WASHC4: variants seen among roughly 807,000 people sequenced by gnomAD.
WASHC4 encodes the protein WASH complex subunit 7.
Under a neutral mutation model 166.6 loss-of-function variants are expected in WASHC4, and 86 were observed. That is an observed-to-expected ratio of 0.52 (90% CI 0.43 to 0.62). The LOEUF is 0.62. WASHC4 is among the 20% of genes least tolerant of loss of function. WASHC4 has a pLI of 0.00. For missense variants in WASHC4, 1,262 were observed against 1,382.4 expected (o/e 0.91, Z 1.38); for synonymous variants, 446 against 451.6 (o/e 0.99, Z 0.16).
chr12:105,136,063 A>AT (rs1211852214), intron 14 of WASHC4, among the ~76,000 whole-genome samples: 1 of 152,158 alleles, frequency 6.6e-6, no homozygotes, highest in Non-Finnish European at 1.5e-5. Context: ...AACCCAGGTT[A>AT]TATCAATCTA....
intron 15 of WASHC4, 59 bp downstream of exon 15, chr12:105,138,070 T>G (rs1882468937): frequency 1.3e-6 from 2 of 1,547,962 alleles, no homozygotes; most frequent in Non-Finnish European, 1.8e-6. Flanking sequence ...AGGCTTAAAT[T>G]AGGATAATCT....
chr12:105,138,319 T>C (rs1441381572), intron 15 of WASHC4, among the ~76,000 whole-genome samples: 6 of 151,034 alleles, frequency 4.0e-5, no homozygotes, highest in Admixed American at 4.0e-4. Flanking sequence ...ATATTATCAG[T>C]AAAGCTTTAC....
chr12:105,132,207 C>T (rs773344153), intron 13 of WASHC4, among the ~76,000 whole-genome samples: 1 of 152,194 alleles, frequency 6.6e-6, no homozygotes, highest in African/African-American at 2.4e-5. Context: ...CTCGCTCTGT[C>T]GCCCAGGCTG....
chr12:105,116,628 AATGGGTT>A (rs1299241047), intron 6 of WASHC4, among the ~76,000 whole-genome samples: 1 of 152,208 alleles, frequency 6.6e-6, no homozygotes, highest in Non-Finnish European at 1.5e-5. Flanking sequence ...GCTACAAAAA[AATGGGTT>A]AGCTATGTGA....
At chr12:105,113,943 C>G (rs147941966) in intron 2 of WASHC4, among the ~76,000 whole-genome samples, 8 of 151,920 alleles carry the variant, frequency 5.3e-5, no homozygotes, top group Non-Finnish European at 1.0e-4. Flanking sequence ...TTACTATTAC[C>G]TTATTACCTT....
chr12:105,145,476 A>G (rs1428409446), intron 22 of WASHC4, among the ~76,000 whole-genome samples: 7 of 152,056 alleles, frequency 4.6e-5, no homozygotes, highest in Admixed American at 4.6e-4. Flanking sequence ...TGAGGATTCT[A>G]GTTTTCCCTT....
chr12:105,162,699 A>G (rs1331517762), intron 29 of WASHC4, 50 bp from the exon 30 acceptor site: 1 of 903,104 alleles, frequency 1.1e-6, no homozygotes, highest in South Asian at 1.3e-5. Flanking sequence ...GGAATTCTGA[A>G]GATTTTCTTA....
At chr12:105,122,014 A>C in intron 9 of WASHC4, 104 bp from the exon 10 acceptor site, 1 of 802,398 alleles carries the variant, frequency 1.2e-6, no homozygotes, top group African/African-American at 1.7e-5. Flanking sequence ...GTAGAGCCAA[A>C]CAAGAAATAT....
chr12:105,151,400 A>C (rs1883765215), intron 25 of WASHC4, among the ~76,000 whole-genome samples: 1 of 150,410 alleles, frequency 6.6e-6, no homozygotes, highest in Admixed American at 6.6e-5. Context: ...AGTTCTCTTC[A>C]GTGCCAGAGT....
intron 20 of WASHC4, among the ~76,000 whole-genome samples, 178 bp downstream of exon 20, chr12:105,143,421 TA>T (rs1883033372): frequency 6.6e-6 from 1 of 152,090 alleles, no homozygotes; most frequent in South Asian, 2.1e-4. Context: ...GTAATTCATT[TA>T]TTTAGAAATC....
At chr12:105,121,738 C>T (rs2135740899) in intron 9 of WASHC4, among the ~76,000 whole-genome samples, 1 of 152,236 alleles carries the variant, frequency 6.6e-6, no homozygotes, top group East Asian at 1.9e-4. Context: ...CATCTCTTGA[C>T]CTCATGATCC....
In WASHC4 at chr12:105,149,735, C is replaced by A; in HGVS notation, c.2635C>A (p.Gln879Lys). ...TCGATTTTTCAGGGAAATTAAGGAC[C>A]AAAATGATCATAAGGTAGGCTACCT... Reference protein sequence around the residue: ...DIRFFREIKDQNDHKYPFDRA... With the variant: ...DIRFFREIKDKNDHKYPFDRA... Residue 879 changes from glutamine (Q) to lysine (K), a missense_variant, in exon 25 of 33, where the codon CAA becomes AAA. Gln to Lys is a moderately conservative substitution (Grantham distance 53). Transcript: ENST00000332180. The A allele has an allele frequency of 1.3e-6, 2 of 1,595,032 alleles. No homozygotes were observed. The highest frequency in any genetic ancestry group is 1.1e-5 in the South Asian group (1 of 89,708).
chr12:105,149,412 G>A, intron 24 of WASHC4: 1 of 1,086,682 alleles, frequency 9.2e-7, no homozygotes, highest in Non-Finnish European at 1.1e-6. Flanking sequence ...AAATATGTAA[G>A]AGGAGCTTAT....
In WASHC4 at chr12:105,143,181, T is replaced by G; in HGVS notation, c.1948T>G (p.Leu650Val). 1 of 1,611,842 alleles carries G rather than the reference T, an allele frequency of 6.2e-7. No homozygotes were observed. Among genetic ancestry groups the G allele is most frequent in the Non-Finnish European group, 8.5e-7 (1 of 1,178,246 alleles). The change falls in exon 20 of 33, where the codon TTA (leucine) becomes GTA (valine). Residue 650 changes from leucine to valine, a missense_variant. Physicochemically the swap from Leu to Val is conservative, Grantham distance 32 (BLOSUM62 1). Transcript: ENST00000332180. ...ACCTGCTATGATGCATGCAAGGCAT[T>G]TAGAGTCCTATGAGATACTTCTGGA... ...CVPAMMHARH[L>V]ESYEILLDCY...
chr12:105,144,267 A>G lies in WASHC4; in HGVS notation c.2011-20A>G, dbSNP rs1347625994. 6.2e-7 allele frequency: 1 copy of G among 1,600,252 alleles called. No individual in the cohort carries two copies. The highest frequency in any genetic ancestry group is 1.1e-5 in the South Asian group (1 of 90,356). ...CAATATCATTTTGAAAAATTAAAGTATCAAATCTTTTGTGAATAGCATTTG... is the reference window on the plus strand; with the variant it reads ...CAATATCATTTTGAAAAATTAAAGTGTCAAATCTTTTGTGAATAGCATTTG... On this transcript the variant is annotated intron_variant, in intron 20 of 32. Transcript: ENST00000332180.
chr12:105,118,397 T>G, intron 6 of WASHC4, 49 bp from the exon 7 acceptor site: 81 of 1,265,020 alleles, frequency 6.4e-5, no homozygotes, highest in Non-Finnish European at 8.8e-5. Context: ...TAAAAAATGG[T>G]GAGATTTAAA....
At chr12:105,139,427 A>ATATATATGTG (rs1236023459) in intron 15 of WASHC4, among the ~76,000 whole-genome samples, 1 of 47,786 alleles carries the variant, frequency 2.1e-5, no homozygotes, top group Non-Finnish European at 3.9e-5. Flanking sequence ...GTGTGTGTGT[A>ATATATATGTG]TATATATATA....
At chr12:105,128,551 T>C (rs1881493586) in intron 13 of WASHC4, among the ~76,000 whole-genome samples, 1 of 152,196 alleles carries the variant, frequency 6.6e-6, no homozygotes, top group Non-Finnish European at 1.5e-5. Flanking sequence ...GTATCCCTAA[T>C]TGAAATGCTC....
Position 105,167,099 on chromosome 12 carries a change from A to G in WASHC4, c.*168A>G. The stretch of plus-strand genomic sequence containing the variant: ...TAAAGTGAAGTTCATTCTGTTTCCA[A>G]AGGCTCTACTTTCAAAGGTTAAGAA... On this transcript the variant is annotated 3_prime_UTR_variant, in exon 33 of 33. Coordinates refer to ENST00000332180, the MANE Select transcript of WASHC4 (RefSeq NM_015275.3). The G allele has an allele frequency of 1.7e-6, 1 of 605,452 alleles. No individual in the cohort carries two copies. Among genetic ancestry groups the G allele is most frequent in the Non-Finnish European group, 3.0e-6 (1 of 335,904 alleles). 37.5% of individuals were successfully genotyped at this position (605,452 alleles called of 1,614,324 possible). A position where few individuals can be genotyped will look rare whatever the true frequency, so the allele number is the denominator to read the frequency against.
Sources: allele counts gnomAD v4.1 joint callset (sites outside exome capture counted in the v4.1 genomes callset), GRCh38; gene constraint gnomAD v4.1.1; transcripts MANE v1.5; gene names NCBI Gene and HGNC (gene_info 2026-07-23, HGNC 2026-07-21).